FER: variants seen among roughly 807,000 people sequenced by gnomAD.
FER encodes the protein FER tyrosine kinase.
Under a neutral mutation model 111.0 loss-of-function variants are expected in FER, and 63 were observed. The observed-to-expected ratio is 0.57, with a 90% CI of 0.46 to 0.70. The LOEUF (loss-of-function observed/expected upper bound fraction) is 0.70. FER is among the 30% of genes least tolerant of loss of function. The pLI is 0.00. For synonymous variants in FER, 327 were observed against 313.9 expected (o/e 1.04, Z -0.44); for missense variants, 914 against 954.0 (o/e 0.96, Z 0.55).
intron 2 of FER, among the ~76,000 whole-genome samples, chr5:108,792,686 T>G (rs189030359): frequency 8.5e-5 from 13 of 152,212 alleles, no homozygotes; most frequent in African/African-American, 3.1e-4. Flanking sequence ...TGCTTTTTTT[T>G]TTTGTAAAAT....
At chr5:109,158,628 A>G (rs1347854015) in intron 17 of FER, among the ~76,000 whole-genome samples, 2 of 152,138 alleles carry the variant, frequency 1.3e-5, no homozygotes, top group African/African-American at 4.8e-5. Context: ...AGAAATCTTT[A>G]GTGGCTCAAC....
chr5:108,986,339 A>T (rs1254646367), intron 13 of FER, among the ~76,000 whole-genome samples: 1 of 138,972 alleles, frequency 7.2e-6, no homozygotes, highest in Admixed American at 7.3e-5. Context: ...TAGATTCTGG[A>T]TATTAGTCCT....
intron 17 of FER, among the ~76,000 whole-genome samples, chr5:109,127,279 C>T (rs1751837167): frequency 6.6e-6 from 1 of 152,174 alleles, no homozygotes; most frequent in South Asian, 2.1e-4. Context: ...TTCATTAGAA[C>T]ATATAGTAAA....
At chr5:108,948,492 C>T (rs1757308389) in intron 11 of FER, among the ~76,000 whole-genome samples, 1 of 152,088 alleles carries the variant, frequency 6.6e-6, no homozygotes, top group African/African-American at 2.4e-5. Context: ...GCTACAGTTA[C>T]ATCTAGCATC....
intron 13 of FER, among the ~76,000 whole-genome samples, chr5:109,014,469 G>A (rs1254374806): frequency 6.6e-6 from 1 of 152,130 alleles, no homozygotes; most frequent in Admixed American, 6.5e-5. Flanking sequence ...GCACCATGCT[G>A]TTTTGGTTAC....
intron 16 of FER, among the ~76,000 whole-genome samples, chr5:109,074,571 C>T (rs79834667): frequency 6.0e-4 from 91 of 152,312 alleles, no homozygotes; most frequent in Non-Finnish European, 9.9e-4. Flanking sequence ...TGGAGTTCCA[C>T]TCTGCAGTAC....
intron 9 of FER, among the ~76,000 whole-genome samples, chr5:108,896,421 C>T (rs1446308889): frequency 6.6e-6 from 1 of 152,148 alleles, no homozygotes; most frequent in Non-Finnish European, 1.5e-5. Flanking sequence ...ACACAGATCA[C>T]AGACTGTTGA....
intron 9 of FER, among the ~76,000 whole-genome samples, chr5:108,893,671 C>A (rs556311113): frequency 6.6e-6 from 1 of 152,154 alleles, no homozygotes; most frequent in African/African-American, 2.4e-5. Context: ...AGTCTCCCCC[C>A]ATATTTGTGT....
chr5:108,792,775 G>T (rs1038148691), intron 2 of FER, among the ~76,000 whole-genome samples: 1 of 151,076 alleles, frequency 6.6e-6, no homozygotes, highest in Non-Finnish European at 1.5e-5. Flanking sequence ...ATTGTTCAAT[G>T]ATGGTATCTA....
intron 2 of FER, among the ~76,000 whole-genome samples, chr5:108,776,529 T>C (rs1753510653): frequency 6.6e-6 from 1 of 152,166 alleles, no homozygotes; most frequent in African/African-American, 2.4e-5. Context: ...AGGAGACATT[T>C]TATACAGATA....
intron 17 of FER, among the ~76,000 whole-genome samples, chr5:109,110,716 G>A (rs971902099): frequency 1.2e-4 from 19 of 152,026 alleles, no homozygotes; most frequent in African/African-American, 4.3e-4. Context: ...TGTTACATAT[G>A]TATACATGTG....
intron 3 of FER, among the ~76,000 whole-genome samples, chr5:108,830,032 C>G (rs1221917536): frequency 6.6e-6 from 1 of 152,154 alleles, no homozygotes; most frequent in Non-Finnish European, 1.5e-5. Context: ...GAGATTGGAG[C>G]TTGCTATGTT....
At chr5:108,884,509 C>T (rs1333819751) in intron 9 of FER, among the ~76,000 whole-genome samples, 5 of 133,126 alleles carry the variant, frequency 3.8e-5, no homozygotes, top group African/African-American at 9.2e-5. Flanking sequence ...TTTCTTATGC[C>T]TGGTTTTTTT....
At chr5:108,759,802 G>T (rs1751520662) in intron 1 of FER, among the ~76,000 whole-genome samples, 1 of 152,154 alleles carries the variant, frequency 6.6e-6, no homozygotes, top group Non-Finnish European at 1.5e-5. Context: ...TTAGGTTTAG[G>T]TTTGAGACCT....
At chr5:108,916,776 A>C (rs966529366) in intron 10 of FER, among the ~76,000 whole-genome samples, 1 of 152,168 alleles carries the variant, frequency 6.6e-6, no homozygotes, top group African/African-American at 2.4e-5. Context: ...TGGATGGCAT[A>C]AGATGAAATT....
In FER at chr5:108,827,822, C is replaced by CTT. The variant is rs5870331; in HGVS notation, c.208-4930_208-4929dup. Among the ~76,000 whole-genome samples the CTT allele has an allele frequency of 6.9e-3, 836 of 121,554 alleles. 10 individuals carry two copies. The highest frequency in any genetic ancestry group is 0.012 in the African/African-American group (371 of 31,610). 79.7% of individuals were successfully genotyped at this position (121,554 alleles called of 152,430 possible). On this transcript the variant is annotated intron_variant, in intron 3 of 19. Coordinates refer to ENST00000281092, the MANE Select transcript of FER (RefSeq NM_005246.4). ...AATATTTAACAGATGGAGTTAGTAT[C>CTT]TTTTTTTTTTTTTTTTTTTCCCCCA...
chr5:108,818,845 A>T (rs1379114267), intron 3 of FER, among the ~76,000 whole-genome samples: 2 of 152,168 alleles, frequency 1.3e-5, no homozygotes, highest in South Asian at 2.1e-4. Flanking sequence ...CCCTACAAGG[A>T]CTTCTTTTTA....
chr5:109,074,251 G>A (rs576893979), intron 16 of FER, among the ~76,000 whole-genome samples: 2 of 152,236 alleles, frequency 1.3e-5, no homozygotes, highest in South Asian at 4.1e-4. Context: ...TAAGTAATTA[G>A]CTGTCCAAGA....
At chr5:109,145,797 T>G (rs1247134428) in intron 17 of FER, among the ~76,000 whole-genome samples, 1 of 152,072 alleles carries the variant, frequency 6.6e-6, no homozygotes, top group East Asian at 1.9e-4. Context: ...ATGTTACATT[T>G]CTCAGGAAAT....
Sources: gnomAD v4.1 joint callset for allele counts (sites outside exome capture counted in the v4.1 genomes callset) on GRCh38, gnomAD v4.1.1 for gene constraint, MANE v1.5 for transcripts, NCBI Gene and HGNC (gene_info 2026-07-23, HGNC 2026-07-21) for gene names.